Variants in NDUFA10 observed in about 807,000 individuals in gnomAD.
NDUFA10 encodes the protein NADH dehydrogenase [ubiquinone] 1 alpha subcomplex subunit 10, mitochondrial.
NDUFA10 carries 40 observed loss-of-function variants against 47.8 expected under a neutral mutation model. That is an observed-to-expected ratio of 0.84 (90% confidence interval 0.65 to 1.09). NDUFA10 has a LOEUF of 1.09. NDUFA10 is among the 50% of genes least tolerant of loss of function. The probability of loss-of-function intolerance (pLI) is 0.00; values close to 1 mark genes in which losing one functional copy is unlikely to be tolerated. For synonymous variants in NDUFA10, 183 were observed against 172.2 expected (o/e 1.06, Z -0.49); for missense variants, 413 against 451.1 (o/e 0.92, Z 0.76).
chr2:239,980,693 T>C (rs1482564503), intron 9 of NDUFA10, among the ~76,000 whole-genome samples: 1 of 152,158 alleles, frequency 6.6e-6, no homozygotes. Context: ...TGGAAATGCT[T>C]CTACATGTAC....
chr2:239,964,482 A>G (rs965027027), intron 9 of NDUFA10, among the ~76,000 whole-genome samples: 2 of 152,158 alleles, frequency 1.3e-5, no homozygotes, highest in Non-Finnish European at 2.9e-5. Context: ...AAGCTGCTAG[A>G]GAGTGGTAGC....
chr2:239,963,184 T>C (rs181869779), intron 9 of NDUFA10, among the ~76,000 whole-genome samples: 4 of 152,290 alleles, frequency 2.6e-5, no homozygotes, highest in African/African-American at 4.8e-5. Flanking sequence ...CTTCAGGAGT[T>C]TGAAATCTGA....
At chr2:239,998,302 G>A (rs370644972) in intron 8 of NDUFA10, among the ~76,000 whole-genome samples, 1 of 152,152 alleles carries the variant, frequency 6.6e-6, no homozygotes, top group Non-Finnish European at 1.5e-5. Context: ...GATTTTGTCT[G>A]TGCTCAGTTC....
intron 9 of NDUFA10, among the ~76,000 whole-genome samples, chr2:239,967,928 A>G (rs867353152): frequency 6.6e-6 from 1 of 151,882 alleles, no homozygotes; most frequent in African/African-American, 2.4e-5. Context: ...TGCCCTATAT[A>G]GTGCTTCAAA....
In NDUFA10 at chr2:240,018,641, T is replaced by C. The variant is rs776830133; in HGVS notation, c.461-2A>G. On this transcript the variant is annotated splice_acceptor_variant, in intron 3 of 9. Coordinates refer to ENST00000252711, the MANE Select transcript of NDUFA10 (RefSeq NM_004544.4). LOFTEE classifies it high-confidence loss of function. Reference sequence around the variant, plus strand: ...AGCGCTCCAACACAACACCTTGTCCTGTTTAAACATAGGCAAACAGAAATT... The same window carrying C: ...AGCGCTCCAACACAACACCTTGTCCCGTTTAAACATAGGCAAACAGAAATT... The C allele has an allele frequency of 6.2e-7, 1 of 1,614,164 alleles. No homozygotes were observed. Among genetic ancestry groups the C allele is most frequent in the Non-Finnish European group, 8.5e-7 (1 of 1,180,020 alleles).
intron 4 of NDUFA10, among the ~76,000 whole-genome samples, chr2:239,900,315 CATATATATATATATATATATATATATAT>C (rs142452963): frequency 0.018 from 2,602 of 142,700 alleles, 119 homozygotes; most frequent in African/African-American, 0.064. Flanking sequence ...AACTCCCCTT[CATATATATATATATATATATATATATAT>C]ATATATATAT....
intron 9 of NDUFA10, among the ~76,000 whole-genome samples, chr2:239,976,945 T>C (rs74002069): frequency 0.12 from 17,971 of 152,048 alleles, 1,246 homozygotes; most frequent in South Asian, 0.16. Context: ...GTGCACCTCT[T>C]AGAATTACAC....
downstream of NDUFA10, among the ~76,000 whole-genome samples, chr2:239,953,490 G>A (rs1282989978): frequency 1.3e-5 from 2 of 152,238 alleles, no homozygotes; most frequent in Non-Finnish European, 2.9e-5. Context: ...CCAGGGAGGG[G>A]TGCCTGCCGG....
At chr2:239,972,298 G>A (rs1695335417) in intron 9 of NDUFA10, among the ~76,000 whole-genome samples, 1 of 152,048 alleles carries the variant, frequency 6.6e-6, no homozygotes, top group Non-Finnish European at 1.5e-5. Context: ...AAACGATTGA[G>A]TGAGGGCCTG....
Position 239,961,173 on chromosome 2 carries a change from T to C in NDUFA10, c.1013A>G (p.Lys338Arg). Residue 338 changes from lysine to arginine, a missense_variant, in exon 10 of 10, where the codon AAG (lysine) becomes AGG (arginine). Transcript: ENST00000252711. ...CTCGGTGTTGTACCCAGGGCTGTAC[T>C]TGCGGCCCGGCAGCTGTGGGGGAAA... ...LHQFRELPGR[K>R]YSPGYNTEVG... The C allele has an allele frequency of 6.2e-7, 1 of 1,610,788 alleles. No homozygotes were observed.
At position 240,011,663 on chromosome 2, in the gene NDUFA10, G is replaced by A. The variant is rs1404813685; in HGVS notation, c.703C>T (p.Gln235Ter). 7.4e-6 allele frequency: 12 copies of A among 1,613,540 alleles called. No homozygotes were observed. Among genetic ancestry groups the A allele is most frequent in the African/African-American group, 1.3e-5 (1 of 74,920 alleles). The change falls in exon 6 of 10, where the codon CAG becomes TAG. Residue 235 changes from glutamine (Q) to a stop codon, truncating the protein, a stop_gained. Coordinates refer to ENST00000252711, the MANE Select transcript of NDUFA10 (RefSeq NM_004544.4). LOFTEE classifies it high-confidence loss of function. ...TTCTTATAGGCATTCTCAATGTCCTGTAGATAGGCAGAGGTGATCTTCATT... is the reference window on the plus strand; with the variant it reads ...TTCTTATAGGCATTCTCAATGTCCTATAGATAGGCAGAGGTGATCTTCATT... ...HEMKITSAYLQDIENAYKKTF... is the reference protein window; with the variant it reads ...HEMKITSAYL
intron 4 of NDUFA10, among the ~76,000 whole-genome samples, chr2:239,920,272 G>A (rs1411290930): frequency 6.6e-6 from 1 of 152,220 alleles, no homozygotes; most frequent in Non-Finnish European, 1.5e-5. Context: ...ACCTGGGACT[G>A]CCATCCTGCA....
At chr2:239,893,508 G>C (rs1693334160) in intron 5 of NDUFA10, among the ~76,000 whole-genome samples, 1 of 152,230 alleles carries the variant, frequency 6.6e-6, no homozygotes, top group African/African-American at 2.4e-5. Context: ...GGAAGTCCAA[G>C]ATCAGGGTAG....
chr2:239,976,770 C>T (rs549065577), intron 9 of NDUFA10, among the ~76,000 whole-genome samples: 3 of 152,272 alleles, frequency 2.0e-5, no homozygotes, highest in Middle Eastern at 3.4e-3. Flanking sequence ...CTCCACCATG[C>T]GGAGCCAGAA....
At chr2:239,925,836 A>G (rs1164667184) in intron 4 of NDUFA10, among the ~76,000 whole-genome samples, 1 of 152,246 alleles carries the variant, frequency 6.6e-6, no homozygotes, top group Non-Finnish European at 1.5e-5. Flanking sequence ...TCCAGTTAGA[A>G]AATGTGCAAA....
At chr2:239,993,410 T>C (rs762811876) in intron 8 of NDUFA10, among the ~76,000 whole-genome samples, 2 of 152,130 alleles carry the variant, frequency 1.3e-5, no homozygotes, top group Non-Finnish European at 2.9e-5. Context: ...AAAGGGTGAT[T>C]ACGTCCAAGC....
chr2:240,012,465 T>G (rs1697180450), intron 5 of NDUFA10: 1 of 152,064 alleles, frequency 6.6e-6, no homozygotes, highest in South Asian at 2.1e-4. Flanking sequence ...TAGGACAGGG[T>G]GGATGCTCAA....
intron 4 of NDUFA10, among the ~76,000 whole-genome samples, chr2:239,938,582 G>A (rs575978690): frequency 6.6e-6 from 1 of 152,318 alleles, no homozygotes; most frequent in African/African-American, 2.4e-5. Flanking sequence ...CTGCCCAGTG[G>A]GGTCTGCTCC....
At chr2:239,972,677 CTAT>C (rs1173995389) in intron 9 of NDUFA10, among the ~76,000 whole-genome samples, 1 of 152,082 alleles carries the variant, frequency 6.6e-6, no homozygotes. Context: ...AATGTGTGTT[CTAT>C]TTTTTAACAC....
Sources: allele counts gnomAD v4.1 joint callset (sites outside exome capture counted in the v4.1 genomes callset), GRCh38; gene constraint gnomAD v4.1.1; transcripts MANE v1.5; gene names NCBI Gene and HGNC (gene_info 2026-07-23, HGNC 2026-07-21).